Variants in PDILT observed in about 807,000 individuals in gnomAD.
PDILT encodes the protein protein disulfide isomerase like, testis expressed.
Under a neutral mutation model 53.7 loss-of-function variants are expected in PDILT, and 43 were observed. That is an observed-to-expected ratio of 0.80 (90% confidence interval 0.63 to 1.03). The LOEUF (loss-of-function observed/expected upper bound fraction) is 1.03. PDILT is among the 50% of genes least tolerant of loss of function. The probability of loss-of-function intolerance (pLI) is 0.00; values close to 1 mark genes in which losing one functional copy is unlikely to be tolerated. For synonymous variants in PDILT, 282 were observed against 274.2 expected, an observed-to-expected ratio of 1.03 and a Z score of -0.28; for missense variants, 727 against 712.3, an observed-to-expected ratio of 1.02 and a Z score of -0.24.
At chr16:20,396,121 T>A (rs930820167) in intron 2 of PDILT, among the ~76,000 whole-genome samples, 9 of 152,230 alleles carry the variant, frequency 5.9e-5, no homozygotes, top group African/African-American at 2.2e-4. Context: ...TGGGAACTCA[T>A]GTTTATTGAG....
intron 3 of PDILT, among the ~76,000 whole-genome samples, chr16:20,379,148 G>T (rs775453072): frequency 4.6e-5 from 7 of 151,982 alleles, no homozygotes; most frequent in African/African-American, 1.7e-4. Context: ...TGAGTAGCTG[G>T]GACTACAGGC....
At chr16:20,362,155 C>T (rs1966112853) in intron 10 of PDILT, among the ~76,000 whole-genome samples, 3 of 152,192 alleles carry the variant, frequency 2.0e-5, no homozygotes, top group Non-Finnish European at 4.4e-5. Flanking sequence ...CATCAAAACA[C>T]CCACATCCAC....
At position 20,367,045 on chromosome 16, in the gene PDILT, T is replaced by C. The variant is rs1237274336; in HGVS notation, c.1117-1505A>G. On this transcript the variant is annotated intron_variant, in intron 8 of 11. Transcript: ENST00000302451. ...CTTTCTTCTTTCTTTCTTTCTTTCT[T>C]TCTTTCTTTCTTTCTTTCTTTCTTT... Among the ~76,000 whole-genome samples the C allele has an allele frequency of 1.2e-3, 63 of 52,566 alleles. 3 individuals carry two copies. The highest frequency in any genetic ancestry group is 3.9e-3 in the African/African-American group (49 of 12,426). 34.5% of individuals were successfully genotyped at this position (52,566 alleles called of 152,430 possible).
intron 4 of PDILT, 152 bp from the exon 5 acceptor site, chr16:20,375,111 T>G: frequency 4.8e-6 from 4 of 839,810 alleles, no homozygotes; most frequent in Non-Finnish European, 7.2e-6. Flanking sequence ...TCATGAGTAT[T>G]TCATACTCAA....
At position 20,360,565 on chromosome 16, in the gene PDILT, T is replaced by C. The variant is rs754013759; in HGVS notation, c.1506+3A>G. 3.1e-6 allele frequency: 5 copies of C among 1,611,164 alleles called. No homozygotes were observed. The Admixed American group carries it at 6.7e-5, about 21-fold the overall frequency. On this transcript the variant is annotated splice_donor_region_variant and intron_variant, in intron 11 of 11. Transcript: ENST00000302451. ...AATTCAGAGTATTTCTGTTGCCCCTTACCTCATCCTCATCCTCAATCTTAG... is the reference window on the plus strand; with the variant it reads ...AATTCAGAGTATTTCTGTTGCCCCTCACCTCATCCTCATCCTCAATCTTAG...
In PDILT at chr16:20,384,530, G is replaced by A. The variant is rs957592808; in HGVS notation, c.409+115C>T. On this transcript the variant is annotated intron_variant, in intron 3 of 11. Coordinates refer to ENST00000302451, the MANE Select transcript of PDILT (RefSeq NM_174924.2). ...TAGAGAAGGGCAGAGTCACAAGCTGGAGGATCCTGGGTCCCCGAGAAGCTG... is the reference window on the plus strand; with the variant it reads ...TAGAGAAGGGCAGAGTCACAAGCTGAAGGATCCTGGGTCCCCGAGAAGCTG... 3.2e-5 allele frequency: 40 copies of A among 1,265,350 alleles called. No homozygotes were observed. The African/African-American group carries it at 4.8e-4, about 15-fold the overall frequency. The allele number at this position is 1,265,350 out of a possible 1,614,324, so 78.4% of individuals were successfully genotyped here. A position where few individuals can be genotyped will look rare whatever the true frequency, so the allele number is the denominator to read the frequency against.
intron 10 of PDILT, among the ~76,000 whole-genome samples, chr16:20,361,959 G>T (rs1365400166): frequency 6.6e-6 from 1 of 152,204 alleles, no homozygotes; most frequent in Non-Finnish European, 1.5e-5. Flanking sequence ...ATCAACACTG[G>T]TTATGGCCAA....
intron 3 of PDILT, among the ~76,000 whole-genome samples, chr16:20,381,634 CAAAAAAA>C (rs1034720000): frequency 1.0e-4 from 6 of 58,592 alleles, no homozygotes; most frequent in Admixed American, 3.9e-4. Flanking sequence ...GACTCCATCT[CAAAAAAA>C]AAAAAAAAAA....
chr16:20,400,048 A>G (rs1408614125), intron 1 of PDILT, among the ~76,000 whole-genome samples: 1 of 122,840 alleles, frequency 8.1e-6, no homozygotes, highest in Non-Finnish European at 1.6e-5. Flanking sequence ...CTATCTATCT[A>G]TCTATCTATA....
At chr16:20,388,237 C>G (rs1198172137) in intron 2 of PDILT, among the ~76,000 whole-genome samples, 2 of 152,154 alleles carry the variant, frequency 1.3e-5, no homozygotes, top group East Asian at 3.9e-4. Flanking sequence ...ATAATAACAA[C>G]ACGTATTGAT....
chr16:20,398,460 A>G (rs1966689198), intron 2 of PDILT, among the ~76,000 whole-genome samples: 1 of 152,100 alleles, frequency 6.6e-6, no homozygotes, highest in Non-Finnish European at 1.5e-5. Flanking sequence ...TGTCTCTACT[A>G]AAAATACAAA....
In PDILT at chr16:20,369,670, T is replaced by C; in HGVS notation, c.938A>G (p.Asp313Gly). 6.2e-7 allele frequency: 1 copy of C among 1,614,178 alleles called. No individual in the cohort carries two copies. Among genetic ancestry groups the C allele is most frequent in the African/African-American group, 1.3e-5 (1 of 75,046 alleles). Residue 313 changes from aspartate to glycine, a missense_variant, in exon 8 of 12, where the codon GAT becomes GGT. Transcript: ENST00000302451. ...FQNKILFILV[D>G]ADEPRNGRVF... ...ACGTCCATTTCTGGGTTCGTCTGCA[T>C]CCACAAGGATGAAAAGGATCTGCCA...
chr16:20,376,044 C>T, intron 4 of PDILT, 24 bp downstream of exon 4: 2 of 1,613,664 alleles, frequency 1.2e-6, no homozygotes, highest in Non-Finnish European at 1.7e-6. Flanking sequence ...TTGAAAGCCT[C>T]CTCCCACCTC....
intron 8 of PDILT, among the ~76,000 whole-genome samples, chr16:20,367,168 T>A (rs1460419518): frequency 6.6e-6 from 1 of 151,502 alleles, no homozygotes; most frequent in Non-Finnish European, 1.5e-5. Flanking sequence ...AGTGGTGGGA[T>A]CTGGGCTCAC....
intron 1 of PDILT, 22 bp from the exon 2 acceptor site, chr16:20,399,329 C>CAG (rs1476871446): frequency 1.9e-6 from 3 of 1,611,052 alleles, no homozygotes; most frequent in Admixed American, 3.3e-5. Context: ...GGAGAAGGAA[C>CAG]AGAGACCTTA....
Position 20,362,386 on chromosome 16 carries a change from G to A in PDILT, c.1416+18C>T, listed in dbSNP as rs372901536. The stretch of plus-strand genomic sequence containing the variant: ...CATAACATTGTTTTCAGCCATGTGC[G>A]TCCCAAGAGCCCCTCACTTGTTGAG... On this transcript the variant is annotated intron_variant, in intron 10 of 11. Transcript: ENST00000302451. 157 of 1,612,132 alleles carry A rather than the reference G, an allele frequency of 9.7e-5. No individual in the cohort carries two copies. The highest frequency in any genetic ancestry group is 4.1e-4 in the African/African-American group (31 of 74,880).
At chr16:20,400,675 C>T (rs986356582) in intron 1 of PDILT, among the ~76,000 whole-genome samples, 2 of 152,026 alleles carry the variant, frequency 1.3e-5, no homozygotes, top group African/African-American at 4.8e-5. Context: ...CCCCAAGGTA[C>T]CCATCACTCA....
Position 20,360,610 on chromosome 16 carries a change from GA to G in PDILT, c.1463del (p.Phe488SerfsTer24), listed in dbSNP as rs1393143900. The G allele has an allele frequency of 2.2e-5, 35 of 1,614,016 alleles. No homozygotes were observed. The highest frequency in any genetic ancestry group is 2.8e-5 in the Non-Finnish European group (33 of 1,179,992). Reference protein sequence around the residue: ...GEHTLKGFSDFLESHIKTKIE... With the variant: ...GEHTLKGFSDXLESHIKTKIE... ...TCTTAGTTTTGATGTGGCTTTCCAGGAAGTCAGAGAAGCCCTTCAGGGTGTG... is the reference window on the plus strand; with the variant it reads ...TCTTAGTTTTGATGTGGCTTTCCAGGAGTCAGAGAAGCCCTTCAGGGTGTG... On this transcript the variant is annotated frameshift_variant, in exon 11 of 12. Transcript: ENST00000302451. LOFTEE classifies it low-confidence loss of function (END_TRUNC).
intron 8 of PDILT, among the ~76,000 whole-genome samples, chr16:20,368,543 G>T (rs1966251329): frequency 6.6e-6 from 1 of 152,210 alleles, no homozygotes; most frequent in East Asian, 1.9e-4. Context: ...CAGGTAAGGG[G>T]ACCATCATTT....
Sources: gnomAD v4.1 joint callset for allele counts (sites outside exome capture counted in the v4.1 genomes callset) on GRCh38, gnomAD v4.1.1 for gene constraint, MANE v1.5 for transcripts, NCBI Gene and HGNC (gene_info 2026-07-23, HGNC 2026-07-21) for gene names.